Variants in ZNF251 observed in about 807,000 individuals in gnomAD.
ZNF251 encodes zinc finger protein 251.
A neutral mutation model predicts 13.5 loss-of-function variants in ZNF251; 14 were observed. The ratio of observed to expected loss-of-function variants is 1.04; its 90% CI spans 0.69 to 1.63. The LOEUF is 1.63. ZNF251 is among the 40% of genes most tolerant of loss of function. The pLI, the probability that ZNF251 is intolerant of heterozygous loss-of-function variation, is 0.00. For missense variants in ZNF251, 764 were observed against 834.9 expected, an observed-to-expected ratio of 0.92 and a Z score of 1.05; for synonymous variants, 287 against 295.2, an observed-to-expected ratio of 0.97 and a Z score of 0.28.
At position 144,723,334 on chromosome 8, in the gene ZNF251, A is replaced by G. The variant is rs766927445; in HGVS notation, c.326T>C (p.Phe109Ser). ...TTCTGGGGTTTTTACTTCTTCGGAA[A>G]ATTTTTGGTTTAAAATAGATAGTTC... ...KKELSILNQK[F>S]SEEVKTPEFV... The change falls in exon 5 of 5, where the codon TTT becomes TCT. Residue 109 changes from phenylalanine to serine, a missense_variant. Physicochemically the swap from Phe to Ser is radical, Grantham distance 155. Coordinates refer to ENST00000292562, the MANE Select transcript of ZNF251 (RefSeq NM_138367.2). 3 of 1,540,310 alleles carry G rather than the reference A, an allele frequency of 1.9e-6. No homozygotes were observed. The highest frequency in any genetic ancestry group is 2.6e-6 in the Non-Finnish European group (3 of 1,145,904).
intron 4 of ZNF251, among the ~76,000 whole-genome samples, chr8:144,742,701 G>C (rs147515436): frequency 2.0e-4 from 30 of 152,244 alleles, no homozygotes; most frequent in African/African-American, 6.0e-4. Context: ...TGGCACTGCT[G>C]ATCTTTTTGC....
At chr8:144,728,524 G>T (rs112218047) in intron 4 of ZNF251, among the ~76,000 whole-genome samples, 9 of 151,760 alleles carry the variant, frequency 5.9e-5, no homozygotes, top group Admixed American at 2.6e-4. Flanking sequence ...TTAGCCGGGC[G>T]TGGTGGTGGG....
chr8:144,753,734 G>A lies in ZNF251; in HGVS notation c.226C>T (p.Leu76=). 2 of 1,600,072 alleles carry A rather than the reference G, an allele frequency of 1.2e-6. No individual in the cohort carries two copies. Among genetic ancestry groups the A allele is most frequent in the Non-Finnish European group, 1.7e-6 (2 of 1,172,852 alleles). Residue 76 remains leucine (L), a synonymous_variant, in exon 4 of 5, where the codon CTG becomes TTG. Coordinates refer to ENST00000292562, the MANE Select transcript of ZNF251 (RefSeq NM_138367.2). ...QLEQGKELWV[L]NLLGAEEPDI... ...GGTTCCTCAGCTCCCAGAAGATTCA[G>A]GACCCAAAGTTCCTTCCCCTGCTCC...
At chr8:144,738,547 G>A (rs1176120811) in intron 4 of ZNF251, 5 of 984,838 alleles carry the variant, frequency 5.1e-6, no homozygotes, top group Admixed American at 6.1e-5. Flanking sequence ...CTCATCCCCG[G>A]CCCCTTCCTC....
rs767952397 is a variant in ZNF251 at position 144,721,766 on chromosome 8, T to C, written c.1894A>G (p.Ser632Gly). ...CHCSVYGKAF[S>G]QSSQLTPPQQ... ...GGTGGTGTGAGCTGTGAACTCTGGCTGAAGGCTTTCCCATACACACTGCAA... is the reference window on the plus strand; with the variant it reads ...GGTGGTGTGAGCTGTGAACTCTGGCCGAAGGCTTTCCCATACACACTGCAA... Residue 632 changes from serine to glycine, a missense_variant, in exon 5 of 5, where the codon AGC becomes GGC. Ser to Gly is a moderately conservative substitution (Grantham distance 56). Coordinates refer to ENST00000292562, the MANE Select transcript of ZNF251 (RefSeq NM_138367.2). 1.6e-5 allele frequency: 23 copies of C among 1,449,730 alleles called. No individual in the cohort carries two copies. The highest frequency in any genetic ancestry group is 2.0e-5 in the Non-Finnish European group (22 of 1,098,544). 89.8% of individuals were successfully genotyped at this position (1,449,730 alleles called of 1,614,324 possible).
chr8:144,745,017 C>T (rs573345308), intron 4 of ZNF251, among the ~76,000 whole-genome samples: 4 of 152,232 alleles, frequency 2.6e-5, no homozygotes, highest in East Asian at 1.9e-4. Context: ...GATTGTGCTA[C>T]AGCACCCCAG....
chr8:144,726,698 G>A (rs1424611545), intron 4 of ZNF251, among the ~76,000 whole-genome samples: 3 of 151,148 alleles, frequency 2.0e-5, no homozygotes, highest in Non-Finnish European at 4.4e-5. Flanking sequence ...GTGAAACACC[G>A]TCTCTACTAA....
intron 4 of ZNF251, among the ~76,000 whole-genome samples, chr8:144,732,055 G>A (rs1823713327): frequency 6.6e-6 from 1 of 151,384 alleles, no homozygotes; most frequent in South Asian, 2.1e-4. Context: ...TGATTCTCAT[G>A]CCTCAGCCTC....
intron 4 of ZNF251, among the ~76,000 whole-genome samples, chr8:144,750,133 T>C (rs1331990741): frequency 6.6e-6 from 1 of 152,202 alleles, no homozygotes; most frequent in Non-Finnish European, 1.5e-5. Context: ...GTCTGATTAC[T>C]CCAACACTCC....
Position 144,734,917 on chromosome 8 carries a change from T to C in ZNF251, c.278-11535A>G, listed in dbSNP as rs528490088. Among the ~76,000 whole-genome samples, 53 of 151,312 alleles carry C rather than the reference T, an allele frequency of 3.5e-4. No homozygotes were observed. The highest frequency in any genetic ancestry group is 7.4e-4 in the Non-Finnish European group (50 of 67,892). On this transcript the variant is annotated intron_variant, in intron 4 of 4. Transcript: ENST00000292562. The surrounding 1 kb of genome is among the most constrained non-coding windows in gnomAD (Gnocchi z 4.4). Reference sequence around the variant, plus strand: ...AGAGAAACCCCGTCTCTACTAAAAATACAAAAATTAGCCAGACGTGGTGGT... The same window carrying C: ...AGAGAAACCCCGTCTCTACTAAAAACACAAAAATTAGCCAGACGTGGTGGT...
chr8:144,728,021 G>A (rs148415711), intron 4 of ZNF251, among the ~76,000 whole-genome samples: 21 of 152,272 alleles, frequency 1.4e-4, no homozygotes, highest in African/African-American at 5.1e-4. Context: ...GACGCAAAAG[G>A]CCTGGCTTTG....
chr8:144,753,792 G>T lies in ZNF251; in HGVS notation c.168C>A (p.Phe56Leu). 6.4e-7 allele frequency: 1 copy of T among 1,569,740 alleles called. No homozygotes were observed. The part of the protein sequence containing the change: ...ENYGNVASLG[F>L]PVPKPELISQ... ...AGATCAACTCCGGCTTAGGGACAGG[G>T]AATCCTGTTGAGGATGAGGACACTG... The change falls in exon 4 of 5, where the codon TTC becomes TTA. Residue 56 changes from phenylalanine (F) to leucine (L), a missense_variant. Physicochemically the swap from Phe to Leu is conservative, Grantham distance 22. Transcript: ENST00000292562.
intron 4 of ZNF251, among the ~76,000 whole-genome samples, chr8:144,733,448 C>T (rs773025713): frequency 1.3e-5 from 2 of 152,212 alleles, no homozygotes; most frequent in African/African-American, 2.4e-5. Context: ...ACATGAGCTC[C>T]GGCTGCCATG....
At chr8:144,730,316 G>A (rs1823656807) in intron 4 of ZNF251, among the ~76,000 whole-genome samples, 1 of 152,162 alleles carries the variant, frequency 6.6e-6, no homozygotes, top group Non-Finnish European at 1.5e-5. Flanking sequence ...GCTGCGACGG[G>A]GCGTCCCGGG....
chr8:144,753,857 T>A (rs920169552), intron 3 of ZNF251, 61 bp from the exon 4 acceptor site: 7 of 1,301,034 alleles, frequency 5.4e-6, no homozygotes, highest in Non-Finnish European at 7.5e-6. Flanking sequence ...AGGCCAGGTG[T>A]GGAGAGATGG....
rs993341851 is a variant in ZNF251 at position 144,755,467 on chromosome 8, C to A, written c.-138G>T. 1 of 1,287,604 alleles carries A rather than the reference C, an allele frequency of 7.8e-7. No individual in the cohort carries two copies. The highest frequency in any genetic ancestry group is 1.0e-6 in the Non-Finnish European group (1 of 988,736). The allele number at this position is 1,287,604 out of a possible 1,614,324, so 79.8% of individuals were successfully genotyped here. A position where few individuals can be genotyped will look rare whatever the true frequency, so the allele number is the denominator to read the frequency against. ...CGAGGAGCTGCGCAGTCGCACCGAG[C>A]CCGGAACGGACCCTCCCACAGAACC... On this transcript the variant is annotated 5_prime_UTR_variant, in exon 1 of 5. Transcript: ENST00000292562.
At chr8:144,745,361 C>A (rs1425415746) in intron 4 of ZNF251, among the ~76,000 whole-genome samples, 2 of 151,854 alleles carry the variant, frequency 1.3e-5, no homozygotes, top group African/African-American at 4.8e-5. Context: ...TCTATTTTTT[C>A]TGTTTTTTGA....
rs1452808306 is a variant in ZNF251, at chr8:144,721,807, C to T, written c.1853G>A (p.Gly618Asp). ...TLIQHQVTHT[G>D]QKPCHCSVYG... ...CACACTGCAATGACATGGTTTCTGACCAGTGTGAGTTACCTGATGTTGAAT... is the reference window on the plus strand; with the variant it reads ...CACACTGCAATGACATGGTTTCTGATCAGTGTGAGTTACCTGATGTTGAAT... The change falls in exon 5 of 5, where the codon GGT (glycine) becomes GAT (aspartate). Residue 618 changes from glycine (G) to aspartate (D), a missense_variant. Coordinates refer to ENST00000292562, the MANE Select transcript of ZNF251 (RefSeq NM_138367.2). 6.7e-7 allele frequency: 1 copy of T among 1,492,350 alleles called. No individual in the cohort carries two copies. The highest frequency in any genetic ancestry group is 1.4e-5 in the African/African-American group (1 of 71,434). 92.4% of individuals were successfully genotyped at this position (1,492,350 alleles called of 1,614,324 possible).
At chr8:144,740,962 A>T (rs900332361) in intron 4 of ZNF251, among the ~76,000 whole-genome samples, 7 of 152,062 alleles carry the variant, frequency 4.6e-5, no homozygotes, top group African/African-American at 1.4e-4. Flanking sequence ...AACAAAAAAA[A>T]ACCCCCAAAA....
Sources: allele counts gnomAD v4.1 joint callset (sites outside exome capture counted in the v4.1 genomes callset), GRCh38; gene constraint gnomAD v4.1.1; non-coding constraint Gnocchi (gnomAD v3.1); transcripts MANE v1.5; gene names NCBI Gene and HGNC (gene_info 2026-07-23, HGNC 2026-07-21).